PKD1L1: variants seen among roughly 807,000 people sequenced by gnomAD.
PKD1L1 encodes polycystin-1-like protein 1.
Under a neutral mutation model 323.4 loss-of-function variants are expected in PKD1L1, and 236 were observed. That is an observed-to-expected ratio of 0.73 (90% CI 0.66 to 0.81). The LOEUF (loss-of-function observed/expected upper bound fraction) is 0.81, where lower values mean the gene tolerates loss of function less well. Ranked by LOEUF, PKD1L1 falls within the 40% of genes least tolerant of loss-of-function variation. PKD1L1 has a pLI of 0.00. For missense variants in PKD1L1, 3,320 were observed against 3,508.0 expected (o/e 0.95, Z 1.35); for synonymous variants, 1,344 against 1,335.0 (o/e 1.01, Z -0.15).
chr7:47,912,283 A>G (rs1264431742), intron 8 of PKD1L1, among the ~76,000 whole-genome samples: 1 of 152,242 alleles, frequency 6.6e-6, no homozygotes, highest in Non-Finnish European at 1.5e-5. Flanking sequence ...AAAGCGGATC[A>G]GATGAAAAAG....
chr7:47,888,011 T>C lies in PKD1L1; in HGVS notation c.2815A>G (p.Thr939Ala), dbSNP rs776570305. 1 of 1,613,706 alleles carries C rather than the reference T, an allele frequency of 6.2e-7. No individual in the cohort carries two copies. The highest frequency in any genetic ancestry group is 8.5e-7 in the Non-Finnish European group (1 of 1,179,676). ...TTACCTTCTATCCTATTCTTTTCTG[T>C]TGCATTGACTAAAAAGAGATCCCAG... The part of the protein sequence containing the change: ...YSWDLFLVNA[T>A]EKNRIEVPFC... The change falls in exon 17 of 57, where the codon ACA (threonine) becomes GCA (alanine). Residue 939 changes from threonine to alanine, a missense_variant. Coordinates refer to ENST00000289672, the MANE Select transcript of PKD1L1 (RefSeq NM_138295.5).
Position 47,803,335 on chromosome 7 carries a change from A to T in PKD1L1, c.7837T>A (p.Trp2613Arg). ...LMASWNQRAR[W>R]LRGILLFLFT... ...AGGAATAAGAGGATTCCCCGGAGCCATCGAGCCCTCTGAGACAGAAGAACA... is the reference window on the plus strand; with the variant it reads ...AGGAATAAGAGGATTCCCCGGAGCCTTCGAGCCCTCTGAGACAGAAGAACA... The change falls in exon 53 of 57, where the codon TGG (tryptophan) becomes AGG (arginine). Residue 2613 changes from tryptophan (W) to arginine (R), a missense_variant. Physicochemically the swap from Trp to Arg is moderately radical, Grantham distance 101. Coordinates refer to ENST00000289672, the MANE Select transcript of PKD1L1 (RefSeq NM_138295.5). 6.2e-7 allele frequency: 1 copy of T among 1,613,936 alleles called. No individual in the cohort carries two copies. Among genetic ancestry groups the T allele is most frequent in the East Asian group, 2.2e-5 (1 of 44,888 alleles).
At chr7:47,901,352 A>C (rs1436720160) in intron 13 of PKD1L1, among the ~76,000 whole-genome samples, 1 of 151,748 alleles carries the variant, frequency 6.6e-6, no homozygotes, top group African/African-American at 2.4e-5. Flanking sequence ...AAAAAAAGAA[A>C]AGAAAAAATG....
At chr7:47,788,853 T>G (rs972820112) in intron 56 of PKD1L1, among the ~76,000 whole-genome samples, 2 of 152,058 alleles carry the variant, frequency 1.3e-5, no homozygotes, top group Non-Finnish European at 2.9e-5. Flanking sequence ...CACCTTGGCC[T>G]CCCGAAGTGC....
chr7:47,851,507 G>T (rs1420746094), intron 31 of PKD1L1, among the ~76,000 whole-genome samples: 3 of 152,084 alleles, frequency 2.0e-5, no homozygotes, highest in Non-Finnish European at 4.4e-5. Context: ...ACTGAAGAAT[G>T]CCAGCTAATT....
the PKD1L1 span, among the ~76,000 whole-genome samples, chr7:47,954,477 GCCT>G: frequency 6.6e-6 from 1 of 152,142 alleles, no homozygotes; most frequent in African/African-American, 2.4e-5. Context: ...TGCCCCTCTT[GCCT>G]CCTTTCTGTC....
upstream of PKD1L1, among the ~76,000 whole-genome samples, chr7:47,951,258 A>G (rs1199596661): frequency 2.6e-5 from 4 of 152,194 alleles, no homozygotes; most frequent in African/African-American, 9.7e-5. Flanking sequence ...AAAACACAAG[A>G]AAAATCATTT....
Position 47,908,143 on chromosome 7 carries a change from T to C in PKD1L1, c.1336A>G (p.Met446Val), listed in dbSNP as rs980903860. The stretch of plus-strand genomic sequence containing the variant: ...TCTTCATGGACACTGCTGGAGTTCA[T>C]GAACGCAGACACGGCCTCATGGCCA... ...EIGHEAVSAF[M>V]NSSSVHEDEV... is the part of the protein sequence containing the mutation. The change falls in exon 9 of 57, where the codon ATG (methionine) becomes GTG (valine). Residue 446 changes from methionine (M) to valine (V), a missense_variant. Physicochemically the swap from Met to Val is conservative, Grantham distance 21. Transcript: ENST00000289672. 10 of 1,614,102 alleles carry C rather than the reference T, an allele frequency of 6.2e-6. No homozygotes were observed. The highest frequency in any genetic ancestry group is 7.6e-6 in the Non-Finnish European group (9 of 1,180,042).
intron 20 of PKD1L1, among the ~76,000 whole-genome samples, chr7:47,881,633 C>G (rs1333267108): frequency 6.6e-6 from 1 of 152,172 alleles, no homozygotes; most frequent in Non-Finnish European, 1.5e-5. Flanking sequence ...AGGTGCGCAC[C>G]AAGGTGTCTG....
At chr7:47,866,658 C>A (rs1296559843) in intron 24 of PKD1L1, 44 bp from the exon 25 acceptor site, 1 of 1,496,422 alleles carries the variant, frequency 6.7e-7, no homozygotes, top group Middle Eastern at 1.8e-4. Context: ...CAACACACGG[C>A]AAAACTTTTC....
At chr7:47,857,920 G>A in intron 27 of PKD1L1, 88 bp from the exon 28 acceptor site, 1 of 1,277,498 alleles carries the variant, frequency 7.8e-7, no homozygotes, top group Non-Finnish European at 1.1e-6. Context: ...GGGAAAAGTA[G>A]TTAAAAAGCC....
intron 15 of PKD1L1, among the ~76,000 whole-genome samples, chr7:47,892,684 A>G: frequency 6.6e-6 from 1 of 152,142 alleles, no homozygotes; most frequent in East Asian, 1.9e-4. Flanking sequence ...AACTGCACTC[A>G]TATCCCCTAA....
At chr7:47,845,474 C>T (rs773055649) in intron 32 of PKD1L1, among the ~76,000 whole-genome samples, 1 of 152,376 alleles carries the variant, frequency 6.6e-6, no homozygotes, top group East Asian at 1.9e-4. Context: ...CCTGGCATTA[C>T]AAATATCCTA....
At chr7:47,953,667 T>G in the PKD1L1 span, among the ~76,000 whole-genome samples, 1 of 152,222 alleles carries the variant, frequency 6.6e-6, no homozygotes, top group African/African-American at 2.4e-5. Flanking sequence ...GATTTAAGAC[T>G]GCATGCTCCA....
chr7:47,873,961 C>T lies in PKD1L1; in HGVS notation c.3834G>A (p.Pro1278=), dbSNP rs770724815. 1.9e-5 allele frequency: 31 copies of T among 1,613,882 alleles called. No individual in the cohort carries two copies. Among genetic ancestry groups the T allele is most frequent in the Admixed American group, 3.3e-5 (2 of 59,988 alleles). Residue 1278 remains proline, a synonymous_variant, in exon 24 of 57, where the codon CCG becomes CCA. Coordinates refer to ENST00000289672, the MANE Select transcript of PKD1L1 (RefSeq NM_138295.5). ...GCAGCACAGTCACCACCACAGTGCA[C>T]GGCTGGACCTTGGAGCCTTTGCCAT... ...ITDGKGSKVQ[P]CTVVVTVLPR...
chr7:47,922,337 G>A (rs1360092851), intron 7 of PKD1L1, among the ~76,000 whole-genome samples: 8 of 152,180 alleles, frequency 5.3e-5, no homozygotes, highest in African/African-American at 1.2e-4. Context: ...CCACTACCCC[G>A]TCTAGGAAGT....
Position 47,889,843 on chromosome 7 carries a change from G to T in PKD1L1, c.2675+699C>A, listed in dbSNP as rs143464383. ...GGGTGCCAGCTTGCAGCCCCGATGG[G>T]AGAGTGTCCAAAGCAGGTGGGCCTG... On this transcript the variant is annotated intron_variant, in intron 16 of 56. Transcript: ENST00000289672. Among the ~76,000 whole-genome samples the T allele has an allele frequency of 4.8e-3, 731 of 152,312 alleles. 5 individuals are homozygous for T. Among genetic ancestry groups the T allele is most frequent in the African/African-American group, 0.016 (646 of 41,568 alleles).
the PKD1L1 span, among the ~76,000 whole-genome samples, chr7:47,960,635 A>AC: frequency 4.0e-5 from 6 of 151,196 alleles, no homozygotes; most frequent in Non-Finnish European, 5.9e-5. Flanking sequence ...TGTATGTAAG[A>AC]CTGTTTCCTG....
At chr7:47,937,559 C>T (rs1010989467) in intron 3 of PKD1L1, among the ~76,000 whole-genome samples, 2 of 152,122 alleles carry the variant, frequency 1.3e-5, no homozygotes, top group Non-Finnish European at 2.9e-5. Flanking sequence ...CTCCAATGCA[C>T]AGAAGCAACA....
Sources: gnomAD v4.1 joint callset for allele counts (sites outside exome capture counted in the v4.1 genomes callset) on GRCh38, gnomAD v4.1.1 for gene constraint, MANE v1.5 for transcripts, NCBI Gene and HGNC (gene_info 2026-07-23, HGNC 2026-07-21) for gene names.